HLTF: variants seen among roughly 807,000 people sequenced by gnomAD.
The protein encoded by HLTF is helicase like transcription factor, also known as DNA-dependent ATPase/E3 ubiquitin-protein ligase HLTF.
A neutral mutation model predicts 129.4 loss-of-function variants in HLTF; 127 were observed. That is an observed-to-expected ratio of 0.98 (90% CI 0.85 to 1.14). HLTF has a LOEUF of 1.14. Ranked by LOEUF, HLTF falls within the 50% of genes most tolerant of loss-of-function variation. The probability of loss-of-function intolerance (pLI) is 0.00; values close to 1 mark genes in which losing one functional copy is unlikely to be tolerated. For synonymous variants in HLTF, 332 were observed against 388.8 expected, an observed-to-expected ratio of 0.85 and a Z score of 1.72; for missense variants, 1,139 against 1,187.1, an observed-to-expected ratio of 0.96 and a Z score of 0.60.
chr3:149,040,193 C>A (rs750457735), intron 20 of HLTF, 37 bp from the exon 21 acceptor site: 5 of 1,573,364 alleles, frequency 3.2e-6, no homozygotes, highest in African/African-American at 1.4e-5. Flanking sequence ...CAACACTTAA[C>A]AGAAGAACAA....
Position 149,049,599 on chromosome 3 carries a change from A to C in HLTF, c.1618-598T>G, listed in dbSNP as rs115640344. Among the ~76,000 whole-genome samples the C allele has an allele frequency of 6.7e-3, 1,022 of 152,356 alleles. 7 individuals carry two copies. The highest frequency in any genetic ancestry group is 0.023 in the African/African-American group (967 of 41,584). On this transcript the variant is annotated intron_variant, in intron 15 of 24. Coordinates refer to ENST00000310053, the MANE Select transcript of HLTF (RefSeq NM_003071.4). ...TAATCAAATCATTGTGATAGAAAAC[A>C]ATTTTCCAGAATATTAAAAAAGAAA...
chr3:149,061,879 T>C (rs370639641), intron 10 of HLTF, among the ~76,000 whole-genome samples: 134 of 151,592 alleles, frequency 8.8e-4, no homozygotes, highest in African/African-American at 3.1e-3. Context: ...GAATTGGCTC[T>C]TATCAAAGAA....
intron 23 of HLTF, among the ~76,000 whole-genome samples, chr3:149,038,543 C>T (rs1715840253): frequency 6.6e-6 from 1 of 151,966 alleles, no homozygotes. Context: ...TGCTCTGTCA[C>T]CCAGGCTGGA....
At position 149,046,180 on chromosome 3, in the gene HLTF, A is replaced by C; in HGVS notation, c.1972T>G (p.Leu658Val). The part of the protein sequence containing the change: ...SKIKGKPVLE[L>V]PERKVFIQHI... ...TGAATAAATACTTTACGTTCTGGTA[A>C]CTCCAAAACAGGTTTTCCTTTAATT... The change falls in exon 18 of 25, where the codon TTA becomes GTA. Residue 658 changes from leucine to valine, a missense_variant. Transcript: ENST00000310053. 1 of 1,606,510 alleles carries C rather than the reference A, an allele frequency of 6.2e-7. No individual in the cohort carries two copies. The highest frequency in any genetic ancestry group is 8.5e-7 in the Non-Finnish European group (1 of 1,174,396).
rs776775910 is a variant in HLTF, at chr3:149,039,188, G to A, written c.2657C>T (p.Ala886Val). 1.2e-5 allele frequency: 19 copies of A among 1,605,592 alleles called. No individual in the cohort carries two copies. In the South Asian group the frequency reaches 2.1e-4, roughly 18 times the overall value. The change falls in exon 23 of 25, where the codon GCC becomes GTC. Residue 886 changes from alanine to valine, a missense_variant. Transcript: ENST00000310053. The part of the protein sequence containing the change: ...FVFTRLDGSM[A>V]QKKRVESIQC... ...AATTGATTCAACTCTTTTCTTTTGG[G>A]CCATGGAACCATCCAAACGAGTAAA...
intron 2 of HLTF, among the ~76,000 whole-genome samples, chr3:149,079,400 A>T (rs1379915629): frequency 1.2e-4 from 18 of 144,612 alleles, no homozygotes; most frequent in African/African-American, 4.7e-4. Context: ...AAAAAAAAAA[A>T]AAAAAAAAAA....
At chr3:149,055,153 T>C (rs1230270936) in intron 14 of HLTF, 150 bp downstream of exon 14, 4 of 539,402 alleles carry the variant, frequency 7.4e-6, no homozygotes, top group Admixed American at 7.2e-5. Flanking sequence ...TCAGCAAACA[T>C]AATCCAATTC....
chr3:149,072,538 T>C (rs1035090356), intron 5 of HLTF, among the ~76,000 whole-genome samples: 2 of 152,352 alleles, frequency 1.3e-5, no homozygotes, highest in African/African-American at 4.8e-5. Context: ...TCAACATATA[T>C]GTGATACAGA....
Position 149,068,297 on chromosome 3 carries a change from G to A in HLTF, c.933C>T (p.Asn311=), listed in dbSNP as rs1057176424. 7 of 1,572,804 alleles carry A rather than the reference G, an allele frequency of 4.5e-6. No individual in the cohort carries two copies. In the Admixed American group the frequency reaches 6.9e-5, roughly 15 times the overall value. The part of the protein sequence containing the change: ...TLTAIAVILT[N]FHDGRPLPIE... ...TAGGAAGAGGTCTGCCATCATGGAA[G>A]TTGGTAAGGATTACTGCAATGGCCG... Residue 311 remains asparagine (N), a synonymous_variant, in exon 8 of 25, where the codon AAC becomes AAT. Coordinates refer to ENST00000310053, the MANE Select transcript of HLTF (RefSeq NM_003071.4).
Position 149,086,397 on chromosome 3 carries a change from T to C in HLTF, c.-61A>G. On this transcript the variant is annotated 5_prime_UTR_variant, in exon 1 of 25. Transcript: ENST00000310053. ...TCCCCTGGATCGTTTTCGAGCCGCC[T>C]CGATACGCCTCCTTCCAGGCCCCGC... is the stretch of plus-strand genomic sequence containing the variant. The C allele has an allele frequency of 3.2e-6, 5 of 1,538,462 alleles. No individual in the cohort carries two copies. The highest frequency in any genetic ancestry group is 4.4e-6 in the Non-Finnish European group (5 of 1,134,150).
chr3:149,032,971 A>AAAC (rs1553735770), intron 24 of HLTF, among the ~76,000 whole-genome samples: 1 of 141,070 alleles, frequency 7.1e-6, no homozygotes, highest in African/African-American at 2.7e-5. Flanking sequence ...AAAAAAAAAA[A>AAAC]AAAAAACAAA....
At chr3:149,037,002 C>G (rs749970392) in intron 23 of HLTF, among the ~76,000 whole-genome samples, 13 of 152,034 alleles carry the variant, frequency 8.6e-5, no homozygotes, top group Non-Finnish European at 1.5e-4. Flanking sequence ...CTCTTTGGTA[C>G]TAAGATTATA....
chr3:149,060,976 A>AT (rs1717893361), intron 10 of HLTF, 118 bp from the exon 11 acceptor site: 6 of 684,984 alleles, frequency 8.8e-6, no homozygotes, highest in Non-Finnish European at 1.2e-5. Flanking sequence ...TTTTTGAAAA[A>AT]TTTTTTAAAG....
chr3:149,044,062 CAGAGTT>C (rs1478605228), intron 18 of HLTF, among the ~76,000 whole-genome samples: 1 of 152,052 alleles, frequency 6.6e-6, no homozygotes, highest in African/African-American at 2.4e-5. Context: ...ACCAAAGTGC[CAGAGTT>C]AATCTGTCCT....
At chr3:149,041,873 G>A (rs986143034) in intron 19 of HLTF, 2 of 579,812 alleles carry the variant, frequency 3.4e-6, no homozygotes, top group African/African-American at 3.7e-5. Flanking sequence ...ACCTCATAGA[G>A]AAGCATCATT....
chr3:149,054,702 T>A (rs1210481314), intron 14 of HLTF, among the ~76,000 whole-genome samples: 2 of 151,920 alleles, frequency 1.3e-5, no homozygotes, highest in Non-Finnish European at 2.9e-5. Flanking sequence ...AAAAAAAAAA[T>A]TTCTGATGGG....
intron 7 of HLTF, among the ~76,000 whole-genome samples, chr3:149,070,036 T>C (rs112110631): frequency 6.6e-6 from 1 of 152,236 alleles, no homozygotes; most frequent in Non-Finnish European, 1.5e-5. Context: ...TATAAAATCA[T>C]ACATGGGTAA....
intron 2 of HLTF, among the ~76,000 whole-genome samples, chr3:149,077,028 C>A (rs920029315): frequency 3.3e-5 from 5 of 152,044 alleles, no homozygotes; most frequent in Non-Finnish European, 7.4e-5. Flanking sequence ...GTGGGAAGAT[C>A]ACGAGGTCAA....
Position 149,086,325 on chromosome 3 carries a change from C to T in HLTF, c.12G>A (p.Met4Ile), listed in dbSNP as rs1323935780. ...CCCTCCGCCCCCTTCACCTCTTGAA[C>T]ATCCAGGACATGGCGCTGAGTGGGA... MSWMFKRDPVWKYL... is the reference protein window; with the variant it reads MSWIFKRDPVWKYL... Residue 4 changes from methionine to isoleucine, a missense_variant, in exon 1 of 25, where the codon ATG (methionine) becomes ATA (isoleucine). Transcript: ENST00000310053. The T allele has an allele frequency of 1.2e-6, 2 of 1,601,428 alleles. No homozygotes were observed. Among genetic ancestry groups the T allele is most frequent in the South Asian group, 2.3e-5 (2 of 88,740 alleles).
Sources: allele counts gnomAD v4.1 joint callset (sites outside exome capture counted in the v4.1 genomes callset), GRCh38; gene constraint gnomAD v4.1.1; transcripts MANE v1.5; gene names NCBI Gene and HGNC (gene_info 2026-07-23, HGNC 2026-07-21).